ZFAND6: variants seen among roughly 807,000 people sequenced by gnomAD.
ZFAND6 encodes zinc finger AN1-type containing 6, also known as AN1-type zinc finger protein 6.
In ZFAND6, 12 loss-of-function variants were observed where a neutral mutation model predicts 24.5. The ratio of observed to expected loss-of-function variants is 0.49; its 90% CI spans 0.31 to 0.79. The LOEUF is 0.79. ZFAND6 is among the 30% of genes least tolerant of loss of function. The probability of loss-of-function intolerance (pLI) is 0.04; values close to 1 mark genes in which losing one functional copy is unlikely to be tolerated. For synonymous variants in ZFAND6, 92 were observed against 81.5 expected (o/e 1.13, Z -0.69); for missense variants, 207 against 245.9 (o/e 0.84, Z 1.06).
At chr15:80,123,560 A>T (rs1455660720) in intron 5 of ZFAND6, among the ~76,000 whole-genome samples, 2 of 152,250 alleles carry the variant, frequency 1.3e-5, no homozygotes, top group Non-Finnish European at 2.9e-5. Context: ...CATGGTGTTC[A>T]CATGATGGTA....
At chr15:80,117,831 G>A (rs1276559715) in intron 2 of ZFAND6, among the ~76,000 whole-genome samples, 1 of 142,044 alleles carries the variant, frequency 7.0e-6, no homozygotes, top group East Asian at 2.2e-4. Context: ...CCTTGATAAG[G>A]CTTCATCTAT....
chr15:80,092,486 G>A (rs75531402), intron 1 of ZFAND6, among the ~76,000 whole-genome samples: 5,798 of 152,156 alleles, frequency 0.038, 402 homozygotes, highest in African/African-American at 0.13. Context: ...TAAACTGAAT[G>A]TGCTATTTAA....
chr15:80,065,001 C>CTTTT (rs1567046368), intron 1 of ZFAND6, among the ~76,000 whole-genome samples: 5 of 133,554 alleles, frequency 3.7e-5, no homozygotes, highest in Non-Finnish European at 6.4e-5. Context: ...TCTCTCTCCC[C>CTTTT]CTTTTTTTTT....
In ZFAND6 at chr15:80,137,684, G is replaced by GTT; in HGVS notation, c.*65_*66dup. 1.8e-5 allele frequency: 25 copies of GTT among 1,390,708 alleles called. No homozygotes were observed. Among genetic ancestry groups the GTT allele is most frequent in the Admixed American group, 5.4e-5 (2 of 36,720 alleles). The allele number at this position is 1,390,708 out of a possible 1,614,324, so 86.1% of individuals were successfully genotyped here. On this transcript the variant is annotated 3_prime_UTR_variant, in exon 7 of 7. Coordinates refer to ENST00000261749, the MANE Select transcript of ZFAND6 (RefSeq NM_019006.4). ...TCTGCAAACTAAAAATTGACTTGAGGTTTTTTTTTTCCTAGTCATTGGGAA... is the reference window on the plus strand; with the variant it reads ...TCTGCAAACTAAAAATTGACTTGAGGTTTTTTTTTTTTCCTAGTCATTGGGAA...
chr15:80,080,798 C>T (rs2037619591), intron 1 of ZFAND6, among the ~76,000 whole-genome samples: 1 of 152,204 alleles, frequency 6.6e-6, no homozygotes. Flanking sequence ...GGAGCTGGTG[C>T]ATCACATGAC....
intron 4 of ZFAND6, among the ~76,000 whole-genome samples, chr15:80,122,133 G>A (rs888974614): frequency 5.3e-5 from 8 of 151,714 alleles, no homozygotes; most frequent in Admixed American, 1.3e-4. Context: ...TATTACTACC[G>A]TGTATTAAAA....
intron 2 of ZFAND6, among the ~76,000 whole-genome samples, chr15:80,110,200 C>T (rs2039537611): frequency 6.6e-6 from 1 of 152,148 alleles, no homozygotes; most frequent in South Asian, 2.1e-4. Context: ...CCCAGACCAA[C>T]ACTGATAAAA....
At chr15:80,077,680 A>G (rs931755743) in intron 1 of ZFAND6, among the ~76,000 whole-genome samples, 1 of 149,506 alleles carries the variant, frequency 6.7e-6, no homozygotes. Flanking sequence ...TTGTAAGAAT[A>G]GGAGTGAGTT....
chr15:80,072,437 C>T (rs903270506), intron 1 of ZFAND6: 15 of 151,996 alleles, frequency 9.9e-5, no homozygotes, highest in Admixed American at 3.9e-4. Flanking sequence ...TCTAACCTAA[C>T]CTGCTAGCAA....
intron 1 of ZFAND6, among the ~76,000 whole-genome samples, chr15:80,088,625 A>G (rs1402807634): frequency 6.6e-6 from 1 of 152,228 alleles, no homozygotes; most frequent in Non-Finnish European, 1.5e-5. Flanking sequence ...TACCATTGAC[A>G]TAATTTTGTG....
intron 3 of ZFAND6, among the ~76,000 whole-genome samples, chr15:80,121,235 C>A (rs2040132923): frequency 6.6e-6 from 1 of 152,058 alleles, no homozygotes; most frequent in Non-Finnish European, 1.5e-5. Context: ...AAGCCAAAAC[C>A]TACAACCATT....
intron 1 of ZFAND6, among the ~76,000 whole-genome samples, chr15:80,094,164 A>C (rs1267643640): frequency 6.6e-6 from 1 of 152,158 alleles, no homozygotes; most frequent in Non-Finnish European, 1.5e-5. Context: ...CAATAATTCA[A>C]ATTTATGGAA....
intron 1 of ZFAND6, among the ~76,000 whole-genome samples, chr15:80,082,086 G>A (rs776984416): frequency 3.3e-5 from 5 of 152,186 alleles, no homozygotes; most frequent in Non-Finnish European, 5.9e-5. Context: ...TGCTGGTTTA[G>A]CAGGTGCCAT....
At chr15:80,081,738 T>C (rs2037682627) in intron 1 of ZFAND6, among the ~76,000 whole-genome samples, 1 of 152,154 alleles carries the variant, frequency 6.6e-6, no homozygotes, top group South Asian at 2.1e-4. Flanking sequence ...AAGTTAACTT[T>C]ATAGTGCACT....
chr15:80,109,010 G>A (rs2039476379), intron 2 of ZFAND6, among the ~76,000 whole-genome samples: 1 of 152,154 alleles, frequency 6.6e-6, no homozygotes, highest in Non-Finnish European at 1.5e-5. Context: ...TTACAGGTGT[G>A]AGCCACCGCG....
At chr15:80,127,002 G>A (rs1176810668) in intron 5 of ZFAND6, among the ~76,000 whole-genome samples, 4 of 152,034 alleles carry the variant, frequency 2.6e-5, no homozygotes, top group Admixed American at 1.3e-4. Context: ...TACTGGGTAG[G>A]GAGGCTGAGG....
At chr15:80,116,896 T>C (rs557169568) in intron 2 of ZFAND6, among the ~76,000 whole-genome samples, 1 of 152,324 alleles carries the variant, frequency 6.6e-6, no homozygotes, top group East Asian at 1.9e-4. Flanking sequence ...TATAAAACTT[T>C]TTGTCCTGTT....
At chr15:80,093,682 G>A (rs1003695390) in intron 1 of ZFAND6, among the ~76,000 whole-genome samples, 2 of 152,190 alleles carry the variant, frequency 1.3e-5, no homozygotes, top group Admixed American at 6.5e-5. Flanking sequence ...CCGAGATCGC[G>A]CCATTGCACT....
chr15:80,061,849 T>C (rs1254331389), intron 1 of ZFAND6, among the ~76,000 whole-genome samples: 1 of 152,208 alleles, frequency 6.6e-6, no homozygotes, highest in Non-Finnish European at 1.5e-5. Context: ...TAATCAGGAC[T>C]AGAATAGATT....
Sources: allele counts gnomAD v4.1 joint callset (sites outside exome capture counted in the v4.1 genomes callset), GRCh38; gene constraint gnomAD v4.1.1; transcripts MANE v1.5; gene names NCBI Gene and HGNC (gene_info 2026-07-23, HGNC 2026-07-21).